The following AGAP1 variants were observed in gnomAD, a reference collection of about 807,000 sequenced individuals.
The protein encoded by AGAP1 is ArfGAP with GTPase domain, ankyrin repeat and PH domain 1, also known as arf-GAP with GTPase, ANK repeat and PH domain-containing protein 1.
AGAP1 carries 29 observed loss-of-function variants against 105.3 expected under a neutral mutation model. The ratio of observed to expected loss-of-function variants is 0.28; its 90% CI spans 0.21 to 0.38. AGAP1 has a LOEUF of 0.38. Among genes scored for constraint, AGAP1 ranks in the 10% least tolerant of loss-of-function variants. The pLI, the probability that AGAP1 is intolerant of heterozygous loss-of-function variation, is 1.00. For missense variants in AGAP1, 998 were observed against 1,165.1 expected (o/e 0.86, Z 2.09); for synonymous variants, 509 against 485.9 (o/e 1.05, Z -0.63).
chr2:235,649,679 T>C (rs1947517258), intron 1 of AGAP1, among the ~76,000 whole-genome samples: 1 of 152,206 alleles, frequency 6.6e-6, no homozygotes, highest in Non-Finnish European at 1.5e-5. Flanking sequence ...GCCGAGATTG[T>C]GCTTTTCTAG....
In AGAP1 at chr2:235,752,491, T is replaced by C. The variant is rs1953528774; in HGVS notation, c.673+2003T>C. 6.6e-6 allele frequency among the ~76,000 whole-genome samples: 1 copy of C among 152,126 alleles called. No individual in the cohort carries two copies. Among genetic ancestry groups the C allele is most frequent in the Admixed American group, 6.5e-5 (1 of 15,272 alleles). On this transcript the variant is annotated intron_variant, in intron 6 of 17. Coordinates refer to ENST00000304032, the MANE Select transcript of AGAP1 (RefSeq NM_001037131.3). The surrounding 1 kb of genome is among the most constrained non-coding windows in gnomAD (Gnocchi z 4.3). Reference sequence around the variant, plus strand: ...ACCGCGCCTGGCTGTAAATAGACTTTTCATGACGCAGAGCCACGCTTTGTG... The same window carrying C: ...ACCGCGCCTGGCTGTAAATAGACTTCTCATGACGCAGAGCCACGCTTTGTG...
intron 1 of AGAP1, among the ~76,000 whole-genome samples, chr2:235,658,883 G>T (rs542513740): frequency 1.5e-4 from 23 of 152,312 alleles, no homozygotes; most frequent in African/African-American, 5.5e-4. Context: ...TGTTTTTGTT[G>T]TTGGTGTTTT....
At position 236,001,373 on chromosome 2, in the gene AGAP1, C is replaced by T. The variant is rs1344459452; in HGVS notation, c.1645+32750C>T. 2.0e-5 allele frequency among the ~76,000 whole-genome samples: 3 copies of T among 152,202 alleles called. No homozygotes were observed. Among genetic ancestry groups the T allele is most frequent in the Non-Finnish European group, 4.4e-5 (3 of 68,026 alleles). ...AGGTGCAGGCCGCTAGTGCCCCCCA[C>T]CCAGTCTCTGTGTCCTCTGCACAGT... On this transcript the variant is annotated intron_variant, in intron 13 of 17. Coordinates refer to ENST00000304032, the MANE Select transcript of AGAP1 (RefSeq NM_001037131.3). This position sits in a 1 kb window ranked among gnomAD's most constrained non-coding sequence, Gnocchi z 4.7.
chr2:235,911,750 C>G (rs769881281), intron 11 of AGAP1, among the ~76,000 whole-genome samples: 9 of 152,158 alleles, frequency 5.9e-5, no homozygotes, highest in Non-Finnish European at 8.8e-5. Context: ...GGGAGGGTTG[C>G]GACAAGATTG....
chr2:235,810,256 TC>T (rs1958062190), intron 9 of AGAP1, among the ~76,000 whole-genome samples: 1 of 151,438 alleles, frequency 6.6e-6, no homozygotes. Context: ...GTCATTCCAT[TC>T]CCATCCTTAC....
At chr2:235,941,205 A>G (rs1033602525) in intron 12 of AGAP1, among the ~76,000 whole-genome samples, 1 of 152,208 alleles carries the variant, frequency 6.6e-6, no homozygotes, top group Non-Finnish European at 1.5e-5. Flanking sequence ...AAATTAGTAT[A>G]AGTAGTTAGA....
intron 7 of AGAP1, 82 bp downstream of exon 7, chr2:235,797,968 AT>A (rs140030205): frequency 3.7e-4 from 516 of 1,404,154 alleles, no homozygotes; most frequent in South Asian, 1.1e-3. Context: ...GCTAAGGTTG[AT>A]TTTTTTTTTC....
intron 1 of AGAP1, among the ~76,000 whole-genome samples, chr2:235,616,205 A>G (rs1669319670): frequency 6.6e-6 from 1 of 151,334 alleles, no homozygotes; most frequent in African/African-American, 2.4e-5. Flanking sequence ...TACTAAAAAT[A>G]CAGAAATTAG....
chr2:235,955,218 C>T (rs1016000364), intron 12 of AGAP1, among the ~76,000 whole-genome samples: 1 of 152,200 alleles, frequency 6.6e-6, no homozygotes, highest in African/African-American at 2.4e-5. Flanking sequence ...TCATGGAGCA[C>T]TGTGCAGTTT....
chr2:235,695,642 C>T (rs889375791), intron 1 of AGAP1, among the ~76,000 whole-genome samples: 3 of 152,178 alleles, frequency 2.0e-5, no homozygotes, highest in African/African-American at 7.2e-5. Context: ...TGTAAGCATA[C>T]ATATTGGCAG....
chr2:235,943,052 T>C (rs1042315489), intron 12 of AGAP1, among the ~76,000 whole-genome samples: 3 of 152,224 alleles, frequency 2.0e-5, no homozygotes, highest in African/African-American at 7.2e-5. Flanking sequence ...AATAAAACTT[T>C]GTGATGTTTT....
chr2:235,541,411 G>A (rs1319497173), intron 1 of AGAP1, among the ~76,000 whole-genome samples: 1 of 104,206 alleles, frequency 9.6e-6, no homozygotes, highest in East Asian at 3.0e-4. Flanking sequence ...TTTTTGAGAC[G>A]AAGTCTCACT....
intron 1 of AGAP1, among the ~76,000 whole-genome samples, chr2:235,573,719 G>A (rs903274687): frequency 2.6e-5 from 4 of 152,246 alleles, no homozygotes; most frequent in Admixed American, 6.5e-5. Context: ...CCATGAGTGC[G>A]CCCCATCACC....
chr2:235,694,234 CT>C (rs1949885320), intron 1 of AGAP1, among the ~76,000 whole-genome samples: 1 of 149,146 alleles, frequency 6.7e-6, no homozygotes, highest in Non-Finnish European at 1.5e-5. Context: ...AATCCCAGCA[CT>C]TTAGGAGGCC....
rs763806963 is a variant in AGAP1 at position 236,130,264 on chromosome 2, T to C, written c.*6142T>C. 1.3e-5 allele frequency: 2 copies of C among 152,032 alleles called. No individual in the cohort carries two copies. The highest frequency in any genetic ancestry group is 2.9e-5 in the Non-Finnish European group (2 of 68,104). The allele number at this position is 152,032 out of a possible 1,614,324, so 9.4% of individuals were successfully genotyped here. Reference sequence around the variant, plus strand: ...GTTTTCATTTTGGCCTGGCACAGGGTACCTGTAGGGAGCACTCCCCCAACC... The same window carrying C: ...GTTTTCATTTTGGCCTGGCACAGGGCACCTGTAGGGAGCACTCCCCCAACC... On this transcript the variant is annotated 3_prime_UTR_variant, in exon 18 of 18. Transcript: ENST00000304032. This position sits in a 1 kb window ranked among gnomAD's most constrained non-coding sequence, Gnocchi z 5.8.
chr2:235,887,364 C>T lies in AGAP1; in HGVS notation c.1155+3915C>T, dbSNP rs574319581. On this transcript the variant is annotated intron_variant, in intron 10 of 17. Transcript: ENST00000304032. The surrounding 1 kb of genome is among the most constrained non-coding windows in gnomAD (Gnocchi z 4.1). ...GAAGTGGGGCCTCTCCCTGGTAACA[C>T]CCTATTGTCTGAACATGGGAACCTG... Among the ~76,000 whole-genome samples, 15 of 152,306 alleles carry T rather than the reference C, an allele frequency of 9.8e-5. No homozygotes were observed. The highest frequency in any genetic ancestry group is 3.6e-4 in the African/African-American group (15 of 41,566).
chr2:235,644,855 G>A (rs1947320690), intron 1 of AGAP1, among the ~76,000 whole-genome samples: 1 of 151,982 alleles, frequency 6.6e-6, no homozygotes, highest in Non-Finnish European at 1.5e-5. Flanking sequence ...TGCGTAGATT[G>A]CATTTAAGTA....
intron 11 of AGAP1, among the ~76,000 whole-genome samples, chr2:235,910,926 A>AATCT (rs1258390645): frequency 6.6e-6 from 1 of 152,126 alleles, no homozygotes. Flanking sequence ...AAAAAAAAAA[A>AATCT]ATCTATCAAG....
Position 236,001,851 on chromosome 2 carries a change from C to T in AGAP1, c.1645+33228C>T, listed in dbSNP as rs1202350883. On this transcript the variant is annotated intron_variant, in intron 13 of 17. Transcript: ENST00000304032. This position sits in a 1 kb window ranked among gnomAD's most constrained non-coding sequence, Gnocchi z 4.7. ...TCTAATAGGTTATGCCAGCCCCTCT[C>T]GTTGGGCATTGAAATTGCCTCAGCA... Among the ~76,000 whole-genome samples the T allele has an allele frequency of 1.3e-5, 2 of 152,232 alleles. No individual in the cohort carries two copies. The highest frequency in any genetic ancestry group is 2.9e-5 in the Non-Finnish European group (2 of 68,048).
Sources: allele counts gnomAD v4.1 joint callset (sites outside exome capture counted in the v4.1 genomes callset), GRCh38; gene constraint gnomAD v4.1.1; non-coding constraint Gnocchi (gnomAD v3.1); transcripts MANE v1.5; gene names NCBI Gene and HGNC (gene_info 2026-07-23, HGNC 2026-07-21).